MYO5C: variants seen among roughly 807,000 people sequenced by gnomAD.
MYO5C encodes myosin VC.
In MYO5C, 194 loss-of-function variants were observed where a neutral mutation model predicts 235.7. That is an observed-to-expected ratio of 0.82 (90% CI 0.73 to 0.93). MYO5C has a LOEUF of 0.93. Among genes scored for constraint, MYO5C ranks in the 40% least tolerant of loss-of-function variants. The pLI is 0.00. For missense variants in MYO5C, 2,038 were observed against 2,127.2 expected, an observed-to-expected ratio of 0.96 and a Z score of 0.82; for synonymous variants, 707 against 754.8, an observed-to-expected ratio of 0.94 and a Z score of 1.04.
Position 52,229,314 on chromosome 15 carries a change from C to A in MYO5C, c.3027-1G>T. 4 of 1,609,934 alleles carry A rather than the reference C, an allele frequency of 2.5e-6. No homozygotes were observed. Among genetic ancestry groups the A allele is most frequent in the Non-Finnish European group, 3.4e-6 (4 of 1,179,604 alleles). On this transcript the variant is annotated splice_acceptor_variant, in intron 24 of 40. Coordinates refer to ENST00000261839, the MANE Select transcript of MYO5C (RefSeq NM_018728.4). LOFTEE classifies it high-confidence loss of function. Reference sequence around the variant, plus strand: ...CAGTTCAAAACTTTTTTCAAGAAGCCTACGCAGCAAAAGAAGAAAATAATT... The same window carrying A: ...CAGTTCAAAACTTTTTTCAAGAAGCATACGCAGCAAAAGAAGAAAATAATT...
intron 5 of MYO5C, 49 bp downstream of exon 5, chr15:52,275,513 C>T (rs751466814): frequency 6.2e-6 from 10 of 1,609,070 alleles, no homozygotes; most frequent in Non-Finnish European, 8.5e-6. Flanking sequence ...AACCAACCAA[C>T]CCCCATTTCC....
intron 25 of MYO5C, among the ~76,000 whole-genome samples, chr15:52,225,804 C>T (rs557474022): frequency 6.6e-6 from 1 of 152,076 alleles, no homozygotes; most frequent in Non-Finnish European, 1.5e-5. Context: ...AATCCCAGCA[C>T]TTTGGGAGGC....
chr15:52,286,762 C>T (rs1439616215), intron 1 of MYO5C, among the ~76,000 whole-genome samples: 1 of 151,734 alleles, frequency 6.6e-6, no homozygotes, highest in Non-Finnish European at 1.5e-5. Flanking sequence ...TGAGAGTCAT[C>T]ACCACTCCCT....
chr15:52,219,716 T>A, intron 31 of MYO5C, 43 bp downstream of exon 31: 1 of 1,482,538 alleles, frequency 6.7e-7, no homozygotes, highest in Non-Finnish European at 9.4e-7. Context: ...CAGAAAAGCA[T>A]TACACGAGCA....
intron 1 of MYO5C, among the ~76,000 whole-genome samples, 146 bp downstream of exon 1, chr15:52,295,453 CCCTCCGCGGCG>C (rs902841001): frequency 9.2e-5 from 14 of 152,212 alleles, no homozygotes; most frequent in East Asian, 5.8e-4. Flanking sequence ...TCCCCGTGGC[CCCTCCGCGGCG>C]CCTCCGCGGC....
chr15:52,201,732 T>G (rs1372239004), intron 38 of MYO5C, among the ~76,000 whole-genome samples: 1 of 152,118 alleles, frequency 6.6e-6, no homozygotes, highest in Non-Finnish European at 1.5e-5. Context: ...TTTTGATGTA[T>G]GTAGATCTAA....
rs969539763 is a variant in MYO5C, at chr15:52,195,289, C to A, written c.5076+88G>T. ...TATATGTGGGTAAATGTACTTTAATCCTGGATTTCTATAATGTTAATTAAG... is the reference window on the plus strand; with the variant it reads ...TATATGTGGGTAAATGTACTTTAATACTGGATTTCTATAATGTTAATTAAG... On this transcript the variant is annotated intron_variant, in intron 40 of 40. Coordinates refer to ENST00000261839, the MANE Select transcript of MYO5C (RefSeq NM_018728.4). The A allele has an allele frequency of 2.6e-5, 24 of 907,858 alleles. 1 individual carries two copies. Among genetic ancestry groups the A allele is most frequent in the African/African-American group, 1.9e-4 (11 of 58,280 alleles). The allele number at this position is 907,858 out of a possible 1,614,324, so 56.2% of individuals were successfully genotyped here.
chr15:52,231,059 C>T (rs1259529448), intron 24 of MYO5C, among the ~76,000 whole-genome samples: 1 of 152,080 alleles, frequency 6.6e-6, no homozygotes, highest in Non-Finnish European at 1.5e-5. Flanking sequence ...AACTCCTGAC[C>T]TCAGGTGATC....
chr15:52,247,261 G>C (rs2036369344), intron 15 of MYO5C, among the ~76,000 whole-genome samples, 197 bp downstream of exon 15: 2 of 152,212 alleles, frequency 1.3e-5, no homozygotes, highest in Admixed American at 6.5e-5. Context: ...GCAAGAGCGT[G>C]GTTTGCTCCA....
At chr15:52,241,169 G>A (rs1268070728) in intron 20 of MYO5C, among the ~76,000 whole-genome samples, 3 of 149,926 alleles carry the variant, frequency 2.0e-5, no homozygotes, top group African/African-American at 7.4e-5. Context: ...CTTTGAATTC[G>A]TTTCTTTGGA....
intron 23 of MYO5C, among the ~76,000 whole-genome samples, chr15:52,233,891 ACC>A (rs2036023322): frequency 6.6e-6 from 1 of 151,796 alleles, no homozygotes; most frequent in South Asian, 2.1e-4. Context: ...CTCGGGGTGC[ACC>A]GTCGATAGCA....
At chr15:52,255,421 C>T (rs1009950368) in intron 11 of MYO5C, among the ~76,000 whole-genome samples, 3 of 152,160 alleles carry the variant, frequency 2.0e-5, no homozygotes, top group African/African-American at 7.2e-5. Context: ...ACCATTCTTC[C>T]CATAAACATG....
At chr15:52,199,314 CCACT>C (rs1689060135) in intron 38 of MYO5C, among the ~76,000 whole-genome samples, 2 of 152,258 alleles carry the variant, frequency 1.3e-5, no homozygotes, top group South Asian at 2.1e-4. Context: ...ATTAATTCTC[CCACT>C]CAAAGATGTG....
At chr15:52,270,977 G>A (rs1311982656) in intron 7 of MYO5C, among the ~76,000 whole-genome samples, 1 of 152,118 alleles carries the variant, frequency 6.6e-6, no homozygotes, top group Non-Finnish European at 1.5e-5. Flanking sequence ...ACGGGGCTCG[G>A]GGCCTTTTGT....
At chr15:52,291,523 C>T (rs922450944) in intron 1 of MYO5C, among the ~76,000 whole-genome samples, 2 of 151,956 alleles carry the variant, frequency 1.3e-5, no homozygotes, top group African/African-American at 4.8e-5. Flanking sequence ...GGTTTCCTCC[C>T]TTTCACGGGT....
chr15:52,254,284 C>T (rs1033830893), intron 11 of MYO5C, among the ~76,000 whole-genome samples: 2 of 152,080 alleles, frequency 1.3e-5, no homozygotes, highest in Non-Finnish European at 2.9e-5. Context: ...AGGGAAGAAC[C>T]GGAGGCAGTG....
chr15:52,225,668 T>A, intron 25 of MYO5C, 136 bp from the exon 26 acceptor site: 1 of 656,626 alleles, frequency 1.5e-6, no homozygotes. Flanking sequence ...AGCTAAAATC[T>A]TGTTAAACCA....
In MYO5C at chr15:52,269,842, T is replaced by G; in HGVS notation, c.851A>C (p.Asn284Thr). The change falls in exon 8 of 41, where the codon AAT becomes ACT. Residue 284 changes from asparagine (N) to threonine (T), a missense_variant. Physicochemically the swap from Asn to Thr is moderately conservative, Grantham distance 65 (BLOSUM62 0). Transcript: ENST00000261839. Reference sequence around the variant, plus strand: ...AGTATTGCCTCCCATTCTTGTATAATTAAATTCTTCGGCACTCCCTGAAAT... The same window carrying G: ...AGTATTGCCTCCCATTCTTGTATAAGTAAATTCTTCGGCACTCCCTGAAAT... ...HLKLGSAEEF[N>T]YTRMGGNTVI... 6.2e-7 allele frequency: 1 copy of G among 1,613,154 alleles called. No homozygotes were observed. The highest frequency in any genetic ancestry group is 8.5e-7 in the Non-Finnish European group (1 of 1,179,240).
chr15:52,261,906 A>T (rs2036704999), intron 9 of MYO5C, among the ~76,000 whole-genome samples: 1 of 152,174 alleles, frequency 6.6e-6, no homozygotes, highest in Admixed American at 6.5e-5. Context: ...CAGGAAATCT[A>T]CATGATTGCA....
Sources: gnomAD v4.1 joint callset for allele counts (sites outside exome capture counted in the v4.1 genomes callset) on GRCh38, gnomAD v4.1.1 for gene constraint, MANE v1.5 for transcripts, NCBI Gene and HGNC (gene_info 2026-07-23, HGNC 2026-07-21) for gene names.